Variants in NRXN1 observed in about 807,000 individuals in gnomAD.
NRXN1 encodes neurexin 1.
NRXN1 carries 39 observed loss-of-function variants against 150.9 expected under a neutral mutation model. The observed-to-expected ratio is 0.26, with a 90% confidence interval of 0.20 to 0.34. The LOEUF is 0.34. Ranked by LOEUF, NRXN1 falls within the 10% of genes least tolerant of loss-of-function variation. The pLI is 1.00. For missense variants in NRXN1, 1,815 were observed against 1,949.9 expected (o/e 0.93, Z 1.30); for synonymous variants, 924 against 757.0 (o/e 1.22, Z -3.62).
intron 5 of NRXN1, among the ~76,000 whole-genome samples, chr2:50,781,506 G>A (rs981588226): frequency 3.3e-5 from 5 of 152,178 alleles, no homozygotes; most frequent in Non-Finnish European, 7.3e-5. Context: ...GAAGGAAGGA[G>A]AGTGATTCAA....
intron 2 of NRXN1, among the ~76,000 whole-genome samples, chr2:50,926,543 A>T (rs1686918040): frequency 6.6e-6 from 1 of 151,950 alleles, no homozygotes; most frequent in Admixed American, 6.6e-5. Context: ...TAGCATATTA[A>T]TATTGTATTG....
At chr2:50,503,826 C>T (rs373674016) in intron 13 of NRXN1, among the ~76,000 whole-genome samples, 6 of 151,992 alleles carry the variant, frequency 3.9e-5, no homozygotes, top group African/African-American at 9.7e-5. Context: ...AGGGAGAAAA[C>T]GTAGTAATTA....
intron 18 of NRXN1, among the ~76,000 whole-genome samples, chr2:50,234,051 CCTGT>C (rs2065198427): frequency 6.6e-6 from 1 of 151,934 alleles, no homozygotes; most frequent in Non-Finnish European, 1.5e-5. Flanking sequence ...TTCTTGGCTT[CCTGT>C]CTGGTTTTCA....
chr2:50,277,900 T>C (rs1209734558), intron 17 of NRXN1, among the ~76,000 whole-genome samples: 1 of 151,900 alleles, frequency 6.6e-6, no homozygotes, highest in Non-Finnish European at 1.5e-5. Context: ...TTTATCATAC[T>C]ATTAGGGGAA....
intron 5 of NRXN1, among the ~76,000 whole-genome samples, chr2:50,801,933 T>C (rs1707650989): frequency 6.6e-6 from 1 of 152,192 alleles, no homozygotes; most frequent in Admixed American, 6.5e-5. Context: ...CTCAAGTATA[T>C]GTGACCAAAG....
chr2:50,116,464 C>T (rs1703085800), intron 18 of NRXN1, among the ~76,000 whole-genome samples: 1 of 151,932 alleles, frequency 6.6e-6, no homozygotes, highest in African/African-American at 2.4e-5. Flanking sequence ...AACACCAGAG[C>T]CAAAAATTAG....
chr2:50,870,880 C>T (rs1009089100), intron 5 of NRXN1, among the ~76,000 whole-genome samples: 1 of 151,838 alleles, frequency 6.6e-6, no homozygotes, highest in Non-Finnish European at 1.5e-5. Context: ...TCTTGGACTT[C>T]TGCACAACAT....
chr2:50,050,159 C>CT lies in NRXN1; in HGVS notation c.4128+3111dup, dbSNP rs35146990. Among the ~76,000 whole-genome samples the CT allele has an allele frequency of 5.3e-3, 748 of 141,666 alleles. 9 individuals are homozygous for CT. The highest frequency in any genetic ancestry group is 0.016 in the African/African-American group (628 of 38,832). The allele number at this position is 141,666 out of a possible 152,430, so 92.9% of individuals were successfully genotyped here. A position where few individuals can be genotyped will look rare whatever the true frequency, so the allele number is the denominator to read the frequency against. On this transcript the variant is annotated intron_variant, in intron 21 of 22. Transcript: ENST00000401669. The stretch of plus-strand genomic sequence containing the variant: ...TTGATTATCATTCAAAGCAAAACTT[C>CT]TTTTTTTTTTTTTTACTTTTAAAAG...
intron 21 of NRXN1, among the ~76,000 whole-genome samples, chr2:49,991,521 CA>C (rs1487449211): frequency 1.3e-5 from 2 of 151,790 alleles, no homozygotes; most frequent in African/African-American, 2.4e-5. Context: ...GTAAATCAAA[CA>C]AAATATCTAA....
At chr2:50,302,369 T>G (rs2074234829) in intron 17 of NRXN1, among the ~76,000 whole-genome samples, 1 of 152,218 alleles carries the variant, frequency 6.6e-6, no homozygotes, top group Non-Finnish European at 1.5e-5. Context: ...CTTGAAATAA[T>G]GAATAATTTA....
intron 21 of NRXN1, among the ~76,000 whole-genome samples, chr2:49,983,425 G>A (rs1239110533): frequency 6.6e-6 from 1 of 151,960 alleles, no homozygotes; most frequent in Non-Finnish European, 1.5e-5. Context: ...GTCTTTTATA[G>A]GTCATTTAGT....
chr2:50,610,787 C>A (rs1677986000), intron 8 of NRXN1, among the ~76,000 whole-genome samples: 1 of 145,556 alleles, frequency 6.9e-6, no homozygotes, highest in Admixed American at 7.1e-5. Flanking sequence ...TATATACACA[C>A]ACACATACAT....
intron 5 of NRXN1, among the ~76,000 whole-genome samples, chr2:50,828,094 A>C (rs1458272391): frequency 1.1e-3 from 164 of 151,354 alleles, no homozygotes; most frequent in African/African-American, 3.9e-3. Flanking sequence ...CATTGTCATC[A>C]TGGCCCGTTC....
intron 17 of NRXN1, among the ~76,000 whole-genome samples, chr2:50,433,074 T>C (rs2085113951): frequency 6.6e-6 from 1 of 152,340 alleles, no homozygotes; most frequent in Non-Finnish European, 1.5e-5. Flanking sequence ...CACCCTTCAT[T>C]GCCAGAAACA....
intron 17 of NRXN1, among the ~76,000 whole-genome samples, chr2:50,265,992 A>ATTTTT (rs1232869148): frequency 3.4e-5 from 3 of 88,786 alleles, no homozygotes; most frequent in African/African-American, 1.9e-4. Context: ...TATTATTATT[A>ATTTTT]TTATTATTTA....
intron 21 of NRXN1, chr2:49,974,229 G>A (rs533234758): frequency 1.5e-6 from 1 of 683,704 alleles, no homozygotes; most frequent in East Asian, 2.9e-5. Context: ...GTGTCACTGA[G>A]GAGCCAATGG....
intron 5 of NRXN1, among the ~76,000 whole-genome samples, chr2:50,706,144 T>C (rs1694404046): frequency 1.3e-5 from 2 of 152,206 alleles, no homozygotes; most frequent in East Asian, 1.9e-4. Flanking sequence ...CTTAATCATG[T>C]AGCTATTTTA....
At chr2:50,743,139 A>T (rs1414601130) in intron 5 of NRXN1, among the ~76,000 whole-genome samples, 1 of 152,224 alleles carries the variant, frequency 6.6e-6, no homozygotes, top group Non-Finnish European at 1.5e-5. Context: ...CTCTTCTATG[A>T]CAAAAATTTG....
At chr2:50,200,285 T>C (rs1028500285) in intron 18 of NRXN1, among the ~76,000 whole-genome samples, 4 of 152,180 alleles carry the variant, frequency 2.6e-5, no homozygotes, top group African/African-American at 9.7e-5. Flanking sequence ...CTGTAATAAC[T>C]ACCTGCAAAC....
Sources: allele counts gnomAD v4.1 joint callset (sites outside exome capture counted in the v4.1 genomes callset), GRCh38; gene constraint gnomAD v4.1.1; transcripts MANE v1.5; gene names NCBI Gene and HGNC (gene_info 2026-07-23, HGNC 2026-07-21).